Variants in PCDHGA1 observed in about 807,000 individuals in gnomAD.
The protein encoded by PCDHGA1 is protocadherin gamma subfamily A, 1.
Under a neutral mutation model 58.0 loss-of-function variants are expected in PCDHGA1, and 32 were observed. The ratio of observed to expected loss-of-function variants is 0.55; its 90% CI spans 0.42 to 0.74. PCDHGA1 has a LOEUF of 0.74. Among genes scored for constraint, PCDHGA1 ranks in the 30% least tolerant of loss-of-function variants. PCDHGA1 has a pLI of 0.00. For missense variants in PCDHGA1, 1,205 were observed against 1,182.3 expected, an observed-to-expected ratio of 1.02 and a Z score of -0.28; for synonymous variants, 498 against 501.1, an observed-to-expected ratio of 0.99 and a Z score of 0.08.
chr5:141,450,916 C>T (rs1168320527), intron 1 of PCDHGA1, among the ~76,000 whole-genome samples: 1 of 151,580 alleles, frequency 6.6e-6, no homozygotes, highest in Admixed American at 6.6e-5. Flanking sequence ...CCGCTGCCTC[C>T]CAGATTCAAG....
chr5:141,431,767 T>G lies in PCDHGA1; in HGVS notation c.2422-63040T>G, dbSNP rs1397063213. On this transcript the variant is annotated intron_variant, in intron 1 of 3. Coordinates refer to ENST00000517417, the MANE Select transcript of PCDHGA1 (RefSeq NM_018912.3). The surrounding 1 kb of genome is among the most constrained non-coding windows in gnomAD (Gnocchi z 4.8). ...CTGCGCGAGCCAAAGTCCTGATCAC[T>G]GTTCTGGACGTGAACGACAATGCCC... The G allele has an allele frequency of 6.2e-7, 1 of 1,614,224 alleles. No individual in the cohort carries two copies.
At chr5:141,362,367 T>G (rs766511645) in intron 1 of PCDHGA1, 1 of 1,614,012 alleles carries the variant, frequency 6.2e-7, no homozygotes, top group South Asian at 1.1e-5. Flanking sequence ...CCAATTACAG[T>G]GAGGGTACAT....
At chr5:141,469,191 G>A (rs1431459571) in intron 1 of PCDHGA1, among the ~76,000 whole-genome samples, 1 of 151,882 alleles carries the variant, frequency 6.6e-6, no homozygotes, top group Admixed American at 6.6e-5. Flanking sequence ...CAAGAGGATT[G>A]CTTGAGCCTT....
chr5:141,386,797 T>C (rs771279831), intron 1 of PCDHGA1, among the ~76,000 whole-genome samples: 1 of 152,124 alleles, frequency 6.6e-6, no homozygotes, highest in Non-Finnish European at 1.5e-5. Context: ...TGACCAAAAT[T>C]TATTAGATGC....
chr5:141,392,488 T>G, intron 1 of PCDHGA1: 1 of 203,312 alleles, frequency 4.9e-6, no homozygotes, highest in Non-Finnish European at 9.8e-6. Flanking sequence ...AACAAAGTAA[T>G]AAGCAAATGA....
intron 1 of PCDHGA1, chr5:141,388,229 C>A (rs1041340259): frequency 1.7e-5 from 27 of 1,606,864 alleles, no homozygotes; most frequent in Non-Finnish European, 2.2e-5. Context: ...ATCCACTGAA[C>A]TTTTATCACG....
rs747917835 is a variant in PCDHGA1 at position 141,487,659 on chromosome 5, AT to A, written c.2422-7147del. 3.7e-6 allele frequency: 6 copies of A among 1,613,466 alleles called. No homozygotes were observed. Among genetic ancestry groups the A allele is most frequent in the Non-Finnish European group, 5.1e-6 (6 of 1,179,716 alleles). On this transcript the variant is annotated intron_variant, in intron 1 of 3. Coordinates refer to ENST00000517417, the MANE Select transcript of PCDHGA1 (RefSeq NM_018912.3). This position sits in a 1 kb window ranked among gnomAD's most constrained non-coding sequence, Gnocchi z 5.0. ...CAACAAATGCTTGAGGGTTATTCTGATCCAGGCATATGGCTAGGCCATGTCC... is the reference window on the plus strand; with the variant it reads ...CAACAAATGCTTGAGGGTTATTCTGACCAGGCATATGGCTAGGCCATGTCC...
intron 1 of PCDHGA1, chr5:141,366,088 C>T (rs752144187): frequency 3.1e-6 from 5 of 1,614,256 alleles, no homozygotes; most frequent in Non-Finnish European, 4.2e-6. Context: ...AACCTGGCTA[C>T]CTGGTGACCA....
chr5:141,419,391 G>A, intron 1 of PCDHGA1: 1 of 1,613,630 alleles, frequency 6.2e-7, no homozygotes. Flanking sequence ...AGCGCGCAGA[G>A]CGGGGTGGTG....
chr5:141,399,221 T>C (rs564668507), intron 1 of PCDHGA1: 1 of 1,613,960 alleles, frequency 6.2e-7, no homozygotes, highest in Non-Finnish European at 8.5e-7. Flanking sequence ...ATTGCTTTGA[T>C]CAAAATACAT....
intron 1 of PCDHGA1, chr5:141,415,661 T>C: frequency 6.3e-7 from 1 of 1,582,308 alleles, no homozygotes; most frequent in East Asian, 2.3e-5. Flanking sequence ...AAGATTGGTT[T>C]TTACTTTGAA....
At chr5:141,351,145 C>A in intron 1 of PCDHGA1, 1 of 1,613,972 alleles carries the variant, frequency 6.2e-7, no homozygotes. Context: ...CAAATACTGG[C>A]GACATCACAA....
chr5:141,387,810 A>G (rs2091099710), intron 1 of PCDHGA1: 1 of 1,525,916 alleles, frequency 6.6e-7, no homozygotes. Context: ...TCGGAGATCC[A>G]AAAATCTGCA....
intron 1 of PCDHGA1, among the ~76,000 whole-genome samples, chr5:141,359,737 A>G (rs1761307035): frequency 6.6e-6 from 1 of 152,224 alleles, no homozygotes; most frequent in African/African-American, 2.4e-5. Flanking sequence ...CCCCTGTGAA[A>G]GCATTTCTCC....
At chr5:141,452,511 A>G (rs573632978) in intron 1 of PCDHGA1, among the ~76,000 whole-genome samples, 1 of 152,056 alleles carries the variant, frequency 6.6e-6, no homozygotes, top group South Asian at 2.1e-4. Context: ...TTGTACACAC[A>G]CTCCCTCAAA....
intron 1 of PCDHGA1, chr5:141,400,037 G>T (rs778871485): frequency 3.1e-6 from 5 of 1,613,132 alleles, no homozygotes; most frequent in Admixed American, 1.7e-5. Flanking sequence ...GCCCGCCAGC[G>T]CCTGCTGGTT....
At chr5:141,406,072 C>CTT (rs530474569) in intron 1 of PCDHGA1, among the ~76,000 whole-genome samples, 28 of 141,510 alleles carry the variant, frequency 2.0e-4, no homozygotes, top group East Asian at 4.1e-4. Context: ...ATTCTTACTC[C>CTT]TTTTTTTTTT....
At chr5:141,381,826 C>CTTTTTTTTTT (rs770630741) in intron 1 of PCDHGA1, among the ~76,000 whole-genome samples, 29 of 74,274 alleles carry the variant, frequency 3.9e-4, no homozygotes, top group South Asian at 5.1e-4. Context: ...CTTTCTTCTT[C>CTTTTTTTTTT]TTTTTTTTTT....
chr5:141,366,395 C>T (rs1764534294), intron 1 of PCDHGA1: 1 of 1,614,178 alleles, frequency 6.2e-7, no homozygotes, highest in African/African-American at 1.3e-5. Context: ...GGATCTGGAC[C>T]TCACACTCTA....
Sources: allele counts gnomAD v4.1 joint callset (sites outside exome capture counted in the v4.1 genomes callset), GRCh38; gene constraint gnomAD v4.1.1; non-coding constraint Gnocchi (gnomAD v3.1); transcripts MANE v1.5; gene names NCBI Gene and HGNC (gene_info 2026-07-23, HGNC 2026-07-21).